CSMD1: variants seen among roughly 807,000 people sequenced by gnomAD.
The protein encoded by CSMD1 is CUB and Sushi multiple domains 1, also known as CUB and sushi domain-containing protein 1.
In CSMD1, 213 loss-of-function variants were observed where a neutral mutation model predicts 417.5. The ratio of observed to expected loss-of-function variants is 0.51; its 90% CI spans 0.46 to 0.57. CSMD1 has a LOEUF of 0.57. Among genes scored for constraint, CSMD1 ranks in the 20% least tolerant of loss-of-function variants. The probability of loss-of-function intolerance (pLI) is 0.00; values close to 1 mark genes in which losing one functional copy is unlikely to be tolerated. For synonymous variants in CSMD1, 2,862 were observed against 1,736.8 expected, an observed-to-expected ratio of 1.65 and a Z score of -16.11; for missense variants, 6,923 against 4,529.7, an observed-to-expected ratio of 1.53 and a Z score of -15.17.
chr8:3,028,419 C>T (rs949403219), intron 51 of CSMD1, among the ~76,000 whole-genome samples: 5 of 152,076 alleles, frequency 3.3e-5, no homozygotes, highest in Non-Finnish European at 7.4e-5. Context: ...ACCAGGACAC[C>T]GTTCAGAGTG....
chr8:3,896,126 A>G (rs770588509), intron 5 of CSMD1, among the ~76,000 whole-genome samples: 5 of 152,134 alleles, frequency 3.3e-5, no homozygotes, highest in African/African-American at 7.2e-5. Context: ...TTGGGGCTTG[A>G]GTAACAAGCC....
At chr8:3,165,140 C>T (rs1820128473) in intron 37 of CSMD1, among the ~76,000 whole-genome samples, 1 of 152,072 alleles carries the variant, frequency 6.6e-6, no homozygotes, top group Admixed American at 6.6e-5. Context: ...AAAGAACCAT[C>T]TTTTCTTCTC....
chr8:3,929,393 G>A (rs532647969), intron 5 of CSMD1, among the ~76,000 whole-genome samples: 13 of 150,532 alleles, frequency 8.6e-5, no homozygotes, highest in African/African-American at 3.2e-4. Context: ...TCACAGCCAA[G>A]GGTGACAATG....
intron 10 of CSMD1, among the ~76,000 whole-genome samples, chr8:3,533,874 G>A (rs560053036): frequency 4.6e-5 from 7 of 152,064 alleles, no homozygotes; most frequent in South Asian, 2.1e-4. Flanking sequence ...ATCTACAATC[G>A]AAATCTTTCA....
intron 2 of CSMD1, among the ~76,000 whole-genome samples, chr8:4,447,324 C>G (rs1234200966): frequency 1.3e-5 from 2 of 152,134 alleles, no homozygotes; most frequent in Non-Finnish European, 2.9e-5. Flanking sequence ...AATGAATTAT[C>G]AGAATGTGGT....
intron 7 of CSMD1, among the ~76,000 whole-genome samples, chr8:3,643,508 C>T (rs1683119126): frequency 6.6e-6 from 1 of 151,926 alleles, no homozygotes; most frequent in South Asian, 2.1e-4. Flanking sequence ...CGAAACCATC[C>T]TGGCTAACAC....
chr8:3,410,585 G>C (rs564206616), intron 12 of CSMD1, among the ~76,000 whole-genome samples: 84 of 152,252 alleles, frequency 5.5e-4, no homozygotes, highest in Non-Finnish European at 1.1e-3. Context: ...GTTCCACCTT[G>C]CCTTCGCCAT....
chr8:4,974,944 T>A (rs1326719741), intron 1 of CSMD1, among the ~76,000 whole-genome samples: 3 of 152,232 alleles, frequency 2.0e-5, no homozygotes, highest in Non-Finnish European at 2.9e-5. Flanking sequence ...AGACAAAGAA[T>A]TATTCGACAA....
At chr8:3,342,208 A>G (rs769885602) in intron 23 of CSMD1, among the ~76,000 whole-genome samples, 8 of 152,276 alleles carry the variant, frequency 5.3e-5, no homozygotes, top group Non-Finnish European at 1.0e-4. Flanking sequence ...AAGTCTTACA[A>G]TTCTTCACCT....
chr8:4,452,040 G>T (rs968496280), intron 2 of CSMD1, among the ~76,000 whole-genome samples: 1 of 151,660 alleles, frequency 6.6e-6, no homozygotes, highest in Non-Finnish European at 1.5e-5. Context: ...TCTCACCAGA[G>T]GGGTGGAAGA....
At chr8:3,956,063 G>A (rs1471251846) in intron 5 of CSMD1, among the ~76,000 whole-genome samples, 1 of 152,192 alleles carries the variant, frequency 6.6e-6, no homozygotes, top group Admixed American at 6.5e-5. Context: ...CCAAAGTGGT[G>A]AGATTATTTG....
chr8:4,166,973 T>C (rs1210869470), intron 3 of CSMD1, among the ~76,000 whole-genome samples: 1 of 152,190 alleles, frequency 6.6e-6, no homozygotes, highest in Non-Finnish European at 1.5e-5. Flanking sequence ...CTGAAGGCAC[T>C]GTGCTTTCTG....
intron 7 of CSMD1, among the ~76,000 whole-genome samples, chr8:3,670,938 TG>T (rs1223849231): frequency 6.8e-6 from 1 of 146,336 alleles, no homozygotes; most frequent in Non-Finnish European, 1.5e-5. Context: ...GGGATATATA[TG>T]TATGGGTATA....
At chr8:4,651,848 G>A (rs942733629) in intron 1 of CSMD1, among the ~76,000 whole-genome samples, 14 of 152,280 alleles carry the variant, frequency 9.2e-5, no homozygotes, top group African/African-American at 2.9e-4. Context: ...GGAATTAAAG[G>A]ACTCCTGTCT....
At chr8:4,104,072 C>T (rs1444596448) in intron 3 of CSMD1, among the ~76,000 whole-genome samples, 1 of 152,198 alleles carries the variant, frequency 6.6e-6, no homozygotes, top group East Asian at 1.9e-4. Flanking sequence ...ACAATAGGTT[C>T]TCCCTCAAGA....
At chr8:3,606,048 T>G (rs190007349) in intron 8 of CSMD1, among the ~76,000 whole-genome samples, 122 of 152,274 alleles carry the variant, frequency 8.0e-4, no homozygotes, top group African/African-American at 2.7e-3. Context: ...ATGATTGTAA[T>G]GAGATGATAG....
At position 3,172,379 on chromosome 8, in the gene CSMD1, A is replaced by G. The variant is rs1585549767; in HGVS notation, c.5725+8731T>C. Among the ~76,000 whole-genome samples the G allele has an allele frequency of 2.0e-5, 3 of 151,724 alleles. No homozygotes were observed. The East Asian group carries it at 5.8e-4, about 29-fold the overall frequency. On this transcript the variant is annotated intron_variant, in intron 37 of 69. Transcript: ENST00000635120. ...GCTGACTAATGCTCATTTTTTTTCT[A>G]GGGATACTTTTAATCTGAGGCATTG...
intron 7 of CSMD1, among the ~76,000 whole-genome samples, chr8:3,632,525 T>C (rs1796836550): frequency 6.6e-6 from 1 of 152,174 alleles, no homozygotes; most frequent in South Asian, 2.1e-4. Context: ...TGAAGATGAG[T>C]ATTGGTTAGA....
intron 5 of CSMD1, among the ~76,000 whole-genome samples, chr8:3,901,283 T>C (rs1434211969): frequency 1.3e-5 from 2 of 152,202 alleles, no homozygotes; most frequent in Non-Finnish European, 2.9e-5. Context: ...TTTTCCACTT[T>C]TTCCCTTTTT....
Sources: allele counts gnomAD v4.1 joint callset (sites outside exome capture counted in the v4.1 genomes callset), GRCh38; gene constraint gnomAD v4.1.1; transcripts MANE v1.5; gene names NCBI Gene and HGNC (gene_info 2026-07-23, HGNC 2026-07-21).